PNISR: variants seen among roughly 807,000 people sequenced by gnomAD.
The protein encoded by PNISR is PNN interacting serine and arginine rich protein, also known as arginine/serine-rich protein PNISR.
PNISR carries 20 observed loss-of-function variants against 93.4 expected under a neutral mutation model. The observed-to-expected ratio is 0.21, with a 90% CI of 0.15 to 0.31. PNISR has a LOEUF of 0.31. Among genes scored for constraint, PNISR ranks in the 10% least tolerant of loss-of-function variants. PNISR has a pLI of 1.00. For synonymous variants in PNISR, 305 were observed against 306.5 expected (o/e 0.99, Z 0.05); for missense variants, 893 against 985.4 (o/e 0.91, Z 1.25).
intron 7 of PNISR, among the ~76,000 whole-genome samples, chr6:99,406,558 A>G (rs755518985): frequency 1.6e-4 from 25 of 152,210 alleles, no homozygotes; most frequent in Admixed American, 7.9e-4. Flanking sequence ...ATTATTCAGT[A>G]TAACTTTTAC....
In PNISR at chr6:99,400,523, A is replaced by G. The variant is rs1276285266; in HGVS notation, c.*17T>C. The G allele has an allele frequency of 2.5e-6, 4 of 1,584,990 alleles. No homozygotes were observed. The Admixed American group carries it at 7.8e-5, about 31-fold the overall frequency. ...CAATTTTTTTTAAAAATCAGACAAA[A>G]TACTTTAAAAAGTATACTACCTTGA... is the stretch of plus-strand genomic sequence containing the variant. On this transcript the variant is annotated 3_prime_UTR_variant, in exon 12 of 12. Transcript: ENST00000369239.
At position 99,414,647 on chromosome 6, in the gene PNISR, C is replaced by T. The variant is rs1252819800; in HGVS notation, c.13G>A (p.Gly5Arg). 6.3e-7 allele frequency: 1 copy of T among 1,598,914 alleles called. No homozygotes were observed. Among genetic ancestry groups the T allele is most frequent in the Non-Finnish European group, 8.6e-7 (1 of 1,168,242 alleles). The change falls in exon 3 of 12, where the codon GGA (glycine) becomes AGA (arginine). Residue 5 changes from glycine (G) to arginine (R), a missense_variant. Gly to Arg is a moderately radical substitution (Grantham distance 125). Coordinates refer to ENST00000369239, the MANE Select transcript of PNISR (RefSeq NM_032870.4). The stretch of plus-strand genomic sequence containing the variant: ...GGCCACTGCTGCCAAGGCTGTCCTC[C>T]TTGATCCCACATCCCTTCTTTTAAA... MWDQ[G>R]GQPWQQWPLN...
intron 6 of PNISR, among the ~76,000 whole-genome samples, chr6:99,408,616 G>A (rs1562239827): frequency 6.6e-6 from 1 of 152,134 alleles, no homozygotes; most frequent in Non-Finnish European, 1.5e-5. Context: ...AAAAAGTAAA[G>A]ATTTATTAAC....
rs1777108164 is a variant in PNISR, at chr6:99,412,732, A to G, written c.96T>C (p.Ile32=). ...SFQHQQDPSQ[I]DWAALAQAWI... ...AAGCTTGGGCCAATGCAGCCCAATC[A>G]ATCTGGCCTAACGTAAATTAACACT... Residue 32 remains isoleucine (I), a synonymous_variant, in exon 4 of 12, where the codon ATT becomes ATC. Transcript: ENST00000369239. 6.4e-7 allele frequency: 1 copy of G among 1,573,442 alleles called. No individual in the cohort carries two copies. The highest frequency in any genetic ancestry group is 1.4e-5 in the African/African-American group (1 of 73,078).
chr6:99,406,200 T>G, intron 7 of PNISR, 32 bp from the exon 8 acceptor site: 1 of 1,485,794 alleles, frequency 6.7e-7, no homozygotes, highest in Non-Finnish European at 9.3e-7. Context: ...TAGTCCAAAT[T>G]CATGTGTATA....
intron 7 of PNISR, 149 bp from the exon 8 acceptor site, chr6:99,406,317 T>C (rs531607786): frequency 4.6e-6 from 2 of 437,900 alleles, no homozygotes; most frequent in East Asian, 3.5e-5. Context: ...TTACTACAGA[T>C]TTCATTTGAT....
chr6:99,408,416 GTGC>G, intron 6 of PNISR, 145 bp from the exon 7 acceptor site: 1 of 603,794 alleles, frequency 1.7e-6, no homozygotes, highest in Non-Finnish European at 2.9e-6. Context: ...CACTGCTCTA[GTGC>G]TTACAATCTG....
At position 99,401,295 on chromosome 6, in the gene PNISR, T is replaced by C; in HGVS notation, c.1663A>G (p.Lys555Glu). The C allele has an allele frequency of 1.2e-6, 2 of 1,614,134 alleles. No individual in the cohort carries two copies. The highest frequency in any genetic ancestry group is 4.5e-5 in the East Asian group (2 of 44,882). ...TSSRSSSPKR[K>E]KRHSRSRSPT... is the part of the protein sequence containing the mutation. ...GATCTACTCCTACTGTGTCTCTTTT[T>C]CCTTTTAGGAGAAGAAGACCGAGAA... The change falls in exon 12 of 12, where the codon AAA becomes GAA. Residue 555 changes from lysine to glutamate, a missense_variant. By Grantham distance (56) the Lys-to-Glu change is moderately conservative. This residue lies in a region of PNISR where 866 missense variants were observed against 935.1 expected (regional missense o/e 0.93). Transcript: ENST00000369239.
chr6:99,408,508 C>T (rs1776436694), intron 6 of PNISR, among the ~76,000 whole-genome samples: 1 of 152,066 alleles, frequency 6.6e-6, no homozygotes, highest in South Asian at 2.1e-4. Context: ...TACTATTACT[C>T]CACTTTTTTC....
chr6:99,404,396 A>C, intron 9 of PNISR: 1 of 565,752 alleles, frequency 1.8e-6, no homozygotes, highest in Non-Finnish European at 3.2e-6. Flanking sequence ...CATGATTGCT[A>C]ATTTGTACTC....
intron 1 of PNISR, among the ~76,000 whole-genome samples, chr6:99,420,246 T>A (rs190466377): frequency 7.9e-4 from 120 of 152,372 alleles, no homozygotes; most frequent in African/African-American, 2.8e-3. Context: ...TGGGCAAATG[T>A]TCTCTGTCTC....
At chr6:99,412,408 A>G in intron 4 of PNISR, 143 bp downstream of exon 4, 1 of 720,704 alleles carries the variant, frequency 1.4e-6, no homozygotes, top group East Asian at 2.7e-5. Flanking sequence ...AAAATGTCAA[A>G]GTCAAATCAA....
rs1779330132 is a variant in PNISR, at chr6:99,425,137, T to C, written c.-112+78A>G. The C allele has an allele frequency of 1.6e-5, 16 of 993,908 alleles. No individual in the cohort carries two copies. The South Asian group carries it at 5.1e-4, about 32-fold the overall frequency. The allele number at this position is 993,908 out of a possible 1,614,324, so 61.6% of individuals were successfully genotyped here. On this transcript the variant is annotated intron_variant, in intron 1 of 11. Transcript: ENST00000369239. ...AGCGTACGCAGCCTATTTTAAGTTA[T>C]GCTACCTTCGCCACAGAAACCAAGA...
chr6:99,418,966 C>T (rs1241454127), intron 1 of PNISR, among the ~76,000 whole-genome samples: 2 of 151,640 alleles, frequency 1.3e-5, no homozygotes, highest in Admixed American at 1.3e-4. Context: ...CTGGCTAACA[C>T]GGTGAAACCC....
chr6:99,406,075 G>T lies in PNISR; in HGVS notation c.958C>A (p.His320Asn). The change falls in exon 8 of 12, where the codon CAC becomes AAC. Residue 320 changes from histidine (H) to asparagine (N), a missense_variant. Transcript: ENST00000369239. ...RSPSPVPQEEHSDPEMTEEEK... is the reference protein window; with the variant it reads ...RSPSPVPQEENSDPEMTEEEK... ...TCTTCAGTCATCTCAGGGTCACTGTGCTCTTCTTGAGGAACTGGGGATGGA... is the reference window on the plus strand; with the variant it reads ...TCTTCAGTCATCTCAGGGTCACTGTTCTCTTCTTGAGGAACTGGGGATGGA... 6.2e-7 allele frequency: 1 copy of T among 1,611,554 alleles called. No homozygotes were observed. Among genetic ancestry groups the T allele is most frequent in the Non-Finnish European group, 8.5e-7 (1 of 1,177,804 alleles).
rs1776539288 is a variant in PNISR at position 99,409,194 on chromosome 6, T to C, written c.652A>G (p.Lys218Glu). Reference protein sequence around the residue: ...RQRSPIALPVKQEPPQIDAVK... With the variant: ...RQRSPIALPVEQEPPQIDAVK... ...CTACCAATTTGTGGAGGCTCCTGCT[T>C]CACAGGAAGTGCAATAGGTGAACGC... The change falls in exon 6 of 12, where the codon AAG becomes GAG. Residue 218 changes from lysine to glutamate, a missense_variant. Coordinates refer to ENST00000369239, the MANE Select transcript of PNISR (RefSeq NM_032870.4). The C allele has an allele frequency of 6.2e-7, 1 of 1,613,688 alleles. No homozygotes were observed. Among genetic ancestry groups the C allele is most frequent in the Non-Finnish European group, 8.5e-7 (1 of 1,179,714 alleles).
Position 99,400,496 on chromosome 6 carries a change from G to A in PNISR, c.*44C>T. On this transcript the variant is annotated 3_prime_UTR_variant, in exon 12 of 12. Transcript: ENST00000369239. ...ACACTTTCAACTTTGAATAAATTCAGTCAATTTTTTTTAAAAATCAGACAA... is the reference window on the plus strand; with the variant it reads ...ACACTTTCAACTTTGAATAAATTCAATCAATTTTTTTTAAAAATCAGACAA... 6.4e-7 allele frequency: 1 copy of A among 1,570,418 alleles called. No individual in the cohort carries two copies. The highest frequency in any genetic ancestry group is 8.6e-7 in the Non-Finnish European group (1 of 1,162,032).
chr6:99,405,640 C>T (rs1346727298), intron 8 of PNISR, among the ~76,000 whole-genome samples: 1 of 152,118 alleles, frequency 6.6e-6, no homozygotes, highest in East Asian at 1.9e-4. Flanking sequence ...CCTCGGCTCA[C>T]TGCAACCTCT....
At chr6:99,424,899 G>C in intron 1 of PNISR, 1 of 243,338 alleles carries the variant, frequency 4.1e-6, no homozygotes, top group Non-Finnish European at 7.7e-6. Flanking sequence ...CCCACAAGGG[G>C]GTTCCCACTG....
Sources: allele counts gnomAD v4.1 joint callset (sites outside exome capture counted in the v4.1 genomes callset), GRCh38; gene constraint gnomAD v4.1.1; regional missense constraint gnomAD v4.1.1; transcripts MANE v1.5; gene names NCBI Gene and HGNC (gene_info 2026-07-23, HGNC 2026-07-21).